A2M: variants seen among roughly 807,000 people sequenced by gnomAD.
The protein encoded by A2M is C3 and PZP-like alpha-2-macroglobulin domain-containing protein 5.
A neutral mutation model predicts 183.9 loss-of-function variants in A2M; 128 were observed. That is an observed-to-expected ratio of 0.70 (90% CI 0.60 to 0.81). The LOEUF is 0.81. A2M is among the 30% of genes least tolerant of loss of function. The pLI, the probability that A2M is intolerant of heterozygous loss-of-function variation, is 0.00. For synonymous variants in A2M, 592 were observed against 670.8 expected, an observed-to-expected ratio of 0.88 and a Z score of 1.81; for missense variants, 1,495 against 1,787.6, an observed-to-expected ratio of 0.84 and a Z score of 2.95.
intron 33 of A2M, 32 bp downstream of exon 33, chr12:9,069,713 T>C: frequency 1.3e-6 from 2 of 1,573,734 alleles, no homozygotes; most frequent in East Asian, 2.2e-5. Flanking sequence ...ATTATCTACG[T>C]TTTTTTGCAA....
At chr12:9,096,840 A>G (rs894132096) in intron 15 of A2M, among the ~76,000 whole-genome samples, 3 of 152,158 alleles carry the variant, frequency 2.0e-5, no homozygotes, top group African/African-American at 7.2e-5. Context: ...GTTCCATGAG[A>G]CATACATTTT....
At position 9,072,820 on chromosome 12, in the gene A2M, T is replaced by C; in HGVS notation, c.3808A>G (p.Thr1270Ala). Residue 1270 changes from threonine (T) to alanine (A), a missense_variant, in exon 30 of 36, where the codon ACC becomes GCC. Transcript: ENST00000318602. ...ALSKYGAATF[T>A]RTGKAAQVTI... ...ACCTGTGCAGCCTTCCCAGTCCTGG[T>C]AAATGTGGCTGCTCCATATTTGGAC... The C allele has an allele frequency of 6.2e-7, 1 of 1,614,156 alleles. No homozygotes were observed. Among genetic ancestry groups the C allele is most frequent in the African/African-American group, 1.3e-5 (1 of 75,044 alleles).
At position 9,095,695 on chromosome 12, in the gene A2M, G is replaced by A; in HGVS notation, c.1857C>T (p.Tyr619=). 1.4e-6 allele frequency: 2 copies of A among 1,478,962 alleles called. No homozygotes were observed. Among genetic ancestry groups the A allele is most frequent in the South Asian group, 2.3e-5 (2 of 85,898 alleles). The allele number at this position is 1,478,962 out of a possible 1,614,324, so 91.6% of individuals were successfully genotyped here. A position where few individuals can be genotyped will look rare whatever the true frequency, so the allele number is the denominator to read the frequency against. ...TGAGGTCCTTTTCTGGTAGCAGGTT[G>A]TAAACCTGTACAAATACGAAAGACA... ...PDAELSASSV[Y]NLLPEKDLTG... is the part of the protein sequence containing the mutation. Residue 619 remains tyrosine, a synonymous_variant, in exon 16 of 36, where the codon TAC becomes TAT. Transcript: ENST00000318602.
At chr12:9,100,213 A>C (rs1372635917) in intron 13 of A2M, among the ~76,000 whole-genome samples, 1 of 152,310 alleles carries the variant, frequency 6.6e-6, no homozygotes, top group East Asian at 1.9e-4. Flanking sequence ...TGAAAGGGAA[A>C]AAAGATATTT....
intron 1 of A2M, among the ~76,000 whole-genome samples, chr12:9,114,888 T>C (rs746001958): frequency 6.6e-6 from 1 of 152,288 alleles, no homozygotes; most frequent in East Asian, 1.9e-4. Flanking sequence ...ACAAAATAAA[T>C]ACAAAGTATG....
At chr12:9,077,286 G>T in intron 27 of A2M, 60 bp downstream of exon 27, 2 of 1,442,588 alleles carry the variant, frequency 1.4e-6, no homozygotes, top group Non-Finnish European at 1.9e-6. Context: ...TCAGACAGCA[G>T]GTCAGCAGTT....
intron 29 of A2M, 108 bp downstream of exon 29, chr12:9,074,452 C>T: frequency 5.4e-6 from 6 of 1,119,288 alleles, no homozygotes; most frequent in Non-Finnish European, 7.6e-6. Context: ...TTCCTCATTT[C>T]AAGTTACTGT....
At chr12:9,115,181 C>T (rs1939030033) in intron 1 of A2M, 1 of 152,648 alleles carries the variant, frequency 6.6e-6, no homozygotes, top group Non-Finnish European at 1.5e-5. Context: ...TATCAAGAAT[C>T]CCTTCTCATC....
chr12:9,099,404 C>T lies in A2M; in HGVS notation c.1678G>A (p.Val560Ile), dbSNP rs191018657. 1.3e-5 allele frequency: 21 copies of T among 1,563,910 alleles called. No individual in the cohort carries two copies. Among genetic ancestry groups the T allele is most frequent in the African/African-American group, 4.1e-5 (3 of 73,708 alleles). ...ACCTTGTTGGCCAGACAATTTTCAACATCATATTTTGCAGAATCCCCAATC... is the reference window on the plus strand; with the variant it reads ...ACCTTGTTGGCCAGACAATTTTCAATATCATATTTTGCAGAATCCCCAATC... ...DVIGDSAKYD[V>I]ENCLANKVDL... The change falls in exon 14 of 36, where the codon GTT becomes ATT. Residue 560 changes from valine to isoleucine, a missense_variant. Transcript: ENST00000318602.
At chr12:9,090,815 C>T (rs1949188029) in intron 19 of A2M, among the ~76,000 whole-genome samples, 1 of 152,146 alleles carries the variant, frequency 6.6e-6, no homozygotes, top group South Asian at 2.1e-4. Flanking sequence ...GACTTATAAA[C>T]AGTTATGGTT....
chr12:9,097,251 C>T (rs936363538), intron 15 of A2M, among the ~76,000 whole-genome samples: 1 of 151,902 alleles, frequency 6.6e-6, no homozygotes, highest in Non-Finnish European at 1.5e-5. Flanking sequence ...CAGTTAAAAT[C>T]CCATTAGAAG....
At position 9,079,275 on chromosome 12, in the gene A2M, C is replaced by T; in HGVS notation, c.3088G>A (p.Glu1030Lys). The change falls in exon 25 of 36, where the codon GAG becomes AAG. Residue 1030 changes from glutamate to lysine, a missense_variant. Transcript: ENST00000318602. ...TTGCCCTGGTTCCTGCCATATCGCT[C>T]CCCAAAGGTGCTGTAGGAGCCATCA... ...HYDGSYSTFG[E>K]RYGRNQGNTW... 2 of 1,613,716 alleles carry T rather than the reference C, an allele frequency of 1.2e-6. No individual in the cohort carries two copies. Among genetic ancestry groups the T allele is most frequent in the South Asian group, 2.2e-5 (2 of 91,060 alleles).
At position 9,091,903 on chromosome 12, in the gene A2M, AT is replaced by A. The variant is rs1357641954; in HGVS notation, c.2241-475del. Reference sequence around the variant, plus strand: ...AATCTTAGAATTAAATTTGCACAAAATTTTTTAGCTCTGATGCAATTAGATT... The same window carrying A: ...AATCTTAGAATTAAATTTGCACAAAATTTTTAGCTCTGATGCAATTAGATT... On this transcript the variant is annotated intron_variant, in intron 18 of 35. Coordinates refer to ENST00000318602, the MANE Select transcript of A2M (RefSeq NM_000014.6). 9.8e-5 allele frequency among the ~76,000 whole-genome samples: 15 copies of A among 152,288 alleles called. No homozygotes were observed. The East Asian group carries it at 2.5e-3, about 25-fold the overall frequency.
In A2M at chr12:9,101,618, G is replaced by T; in HGVS notation, c.1323C>A (p.His441Gln). ...GATAAGCAGTGTGATGTGCCTCTTCGTGTTCTTCTGACACCCACTGGTAGC... is the reference window on the plus strand; with the variant it reads ...GATAAGCAGTGTGATGTGCCTCTTCTTGTTCTTCTGACACCCACTGGTAGC... ...CYGYQWVSEE[H>Q]EEAHHTAYLV... Residue 441 changes from histidine (H) to glutamine (Q), a missense_variant, in exon 12 of 36, where the codon CAC becomes CAA. By Grantham distance (24) the His-to-Gln change is conservative. Transcript: ENST00000318602. 1 of 1,613,908 alleles carries T rather than the reference G, an allele frequency of 6.2e-7. No individual in the cohort carries two copies. The highest frequency in any genetic ancestry group is 1.1e-5 in the South Asian group (1 of 91,060).
At chr12:9,086,254 C>T (rs1404310866) in intron 22 of A2M, among the ~76,000 whole-genome samples, 1 of 152,118 alleles carries the variant, frequency 6.6e-6, no homozygotes, top group Non-Finnish European at 1.5e-5. Context: ...AAAATACTAG[C>T]ATAGCAGCTA....
chr12:9,113,367 G>A lies in A2M; in HGVS notation c.263C>T (p.Ala88Val), dbSNP rs1565606370. 14 of 1,613,142 alleles carry A rather than the reference G, an allele frequency of 8.7e-6. No homozygotes were observed. The highest frequency in any genetic ancestry group is 1.2e-5 in the Non-Finnish European group (14 of 1,179,798). ...TCAAACAGCCACACTCACAGCGAAG[G>A]CGACACAGTGGAGTACGTCATTCTC... ...EAENDVLHCV[A>V]FAVPKSSSNE... is the part of the protein sequence containing the mutation. The change falls in exon 2 of 36, where the codon GCC becomes GTC. Residue 88 changes from alanine (A) to valine (V), a missense_variant. Physicochemically the swap from Ala to Val is moderately conservative, Grantham distance 64. Transcript: ENST00000318602.
chr12:9,076,702 G>A (rs1948756632), intron 28 of A2M, 54 bp downstream of exon 28: 1 of 1,587,656 alleles, frequency 6.3e-7, no homozygotes, highest in Non-Finnish European at 8.6e-7. Flanking sequence ...TTTTTGCCAT[G>A]CAGTTCTTGA....
chr12:9,110,388 C>A, intron 4 of A2M, 54 bp from the exon 5 acceptor site: 1 of 1,178,526 alleles, frequency 8.5e-7, no homozygotes. Flanking sequence ...ATTCTTAAAT[C>A]TCATTTATAA....
chr12:9,095,799 C>G (rs775292018), intron 15 of A2M, 99 bp from the exon 16 acceptor site: 94 of 1,100,046 alleles, frequency 8.5e-5, no homozygotes, highest in Admixed American at 5.9e-4. Flanking sequence ...GTCGCCCAGG[C>G]CGGACCGCGG....
Sources: gnomAD v4.1 joint callset for allele counts (sites outside exome capture counted in the v4.1 genomes callset) on GRCh38, gnomAD v4.1.1 for gene constraint, MANE v1.5 for transcripts, NCBI Gene and HGNC (gene_info 2026-07-23, HGNC 2026-07-21) for gene names.